Variants in ABTB2 observed in about 807,000 individuals in gnomAD.
ABTB2 encodes ankyrin repeat and BTB/POZ domain-containing protein 2.
A neutral mutation model predicts 104.1 loss-of-function variants in ABTB2; 56 were observed. That is an observed-to-expected ratio of 0.54 (90% CI 0.43 to 0.67). ABTB2 has a LOEUF of 0.67. Among genes scored for constraint, ABTB2 ranks in the 30% least tolerant of loss-of-function variants. ABTB2 has a pLI of 0.00. For missense variants in ABTB2, 1,279 were observed against 1,407.7 expected (o/e 0.91, Z 1.46); for synonymous variants, 606 against 608.2 (o/e 1.00, Z 0.05).
rs886951021 is a variant in ABTB2 at position 34,229,750 on chromosome 11, T to C, written c.884-25060A>G. ...ATAAAAAATACAGTCAAATGCAAGGTAGAAAATAAAAATCACCCATAATCC... is the reference window on the plus strand; with the variant it reads ...ATAAAAAATACAGTCAAATGCAAGGCAGAAAATAAAAATCACCCATAATCC... On this transcript the variant is annotated intron_variant, in intron 1 of 16. Coordinates refer to ENST00000435224, the MANE Select transcript of ABTB2 (RefSeq NM_145804.3). Among the ~76,000 whole-genome samples the C allele has an allele frequency of 2.0e-5, 3 of 152,198 alleles. No homozygotes were observed. In the East Asian group the frequency reaches 5.8e-4, roughly 29 times the overall value.
At chr11:34,257,053 A>T (rs7940376) in intron 1 of ABTB2, among the ~76,000 whole-genome samples, 53,058 of 152,056 alleles carry the variant, frequency 0.35, 10,695 homozygotes, top group African/African-American at 0.56. Context: ...TTTAAGAAAT[A>T]TTAAAGTTCT....
intron 1 of ABTB2, among the ~76,000 whole-genome samples, chr11:34,327,088 GA>G (rs1235168704): frequency 1.3e-5 from 2 of 151,976 alleles, no homozygotes; most frequent in Admixed American, 6.6e-5. Flanking sequence ...AATAAAATAA[GA>G]AAAAAACATA....
chr11:34,249,523 G>C (rs1218696748), intron 1 of ABTB2, among the ~76,000 whole-genome samples: 1 of 150,954 alleles, frequency 6.6e-6, no homozygotes, highest in Non-Finnish European at 1.5e-5. Context: ...ATGTTTACAA[G>C]AGGGCAGGCC....
At chr11:34,214,139 AAC>A (rs10529537) in intron 1 of ABTB2, among the ~76,000 whole-genome samples, 1,759 of 139,242 alleles carry the variant, frequency 0.013, 25 homozygotes, top group South Asian at 0.044. Flanking sequence ...GCACATTCAA[AAC>A]ACACACACAC....
chr11:34,306,236 A>AT (rs34872949), intron 1 of ABTB2, among the ~76,000 whole-genome samples: 17,471 of 71,886 alleles, frequency 0.24, 4,560 homozygotes, highest in East Asian at 0.44. Context: ...GGAAAGTTTG[A>AT]TTTTTTTTTT....
intron 1 of ABTB2, among the ~76,000 whole-genome samples, chr11:34,342,751 T>C (rs1343678779): frequency 6.6e-6 from 1 of 151,680 alleles, no homozygotes; most frequent in Admixed American, 6.6e-5. Context: ...GGTTGAAGAG[T>C]AGAGAATCAG....
intron 1 of ABTB2, among the ~76,000 whole-genome samples, chr11:34,313,564 T>C (rs1051563655): frequency 2.0e-5 from 3 of 152,160 alleles, no homozygotes; most frequent in East Asian, 1.9e-4. Context: ...ACCCAGACCA[T>C]TGGACAAGGA....
intron 1 of ABTB2, among the ~76,000 whole-genome samples, chr11:34,208,188 A>T (rs1853432588): frequency 6.6e-6 from 1 of 152,186 alleles, no homozygotes; most frequent in Non-Finnish European, 1.5e-5. Flanking sequence ...CCCCACACAA[A>T]TTCCCAGCTC....
intron 1 of ABTB2, among the ~76,000 whole-genome samples, chr11:34,295,923 T>C (rs952082377): frequency 6.6e-6 from 1 of 151,896 alleles, no homozygotes; most frequent in Non-Finnish European, 1.5e-5. Flanking sequence ...CCAAACACCA[T>C]CACATTGGGG....
Position 34,301,664 on chromosome 11 carries a change from G to A in ABTB2, c.883+55037C>T, listed in dbSNP as rs191894361. ...CAAAACTTCAGTTTCCTCTTGCTAC[G>A]GGAGGCTTAACATAATAAAACATTT... On this transcript the variant is annotated intron_variant, in intron 1 of 16. Coordinates refer to ENST00000435224, the MANE Select transcript of ABTB2 (RefSeq NM_145804.3). 7.2e-5 allele frequency among the ~76,000 whole-genome samples: 11 copies of A among 152,246 alleles called. No individual in the cohort carries two copies. The East Asian group carries it at 7.7e-4, about 11-fold the overall frequency.
At chr11:34,325,344 T>C (rs1443084257) in intron 1 of ABTB2, among the ~76,000 whole-genome samples, 2 of 152,166 alleles carry the variant, frequency 1.3e-5, no homozygotes, top group African/African-American at 4.8e-5. Flanking sequence ...CAGTATGTGT[T>C]CTTTCCCCAT....
At chr11:34,332,529 G>A (rs11032619) in intron 1 of ABTB2, among the ~76,000 whole-genome samples, 26,016 of 152,124 alleles carry the variant, frequency 0.17, 2,433 homozygotes, top group Admixed American at 0.22. Flanking sequence ...AATCACAGGG[G>A]TAGATATTTT....
At chr11:34,351,581 C>A (rs540322367) in intron 1 of ABTB2, among the ~76,000 whole-genome samples, 2 of 147,578 alleles carry the variant, frequency 1.4e-5, no homozygotes, top group Admixed American at 1.3e-4. Context: ...TGGAAATTTT[C>A]TGCCTTGGTA....
intron 1 of ABTB2, among the ~76,000 whole-genome samples, chr11:34,266,525 T>C (rs569630888): frequency 6.6e-6 from 1 of 152,294 alleles, no homozygotes; most frequent in African/African-American, 2.4e-5. Context: ...AACAGTAGTG[T>C]GTCTTGTTAT....
chr11:34,231,511 C>T (rs1401290791), intron 1 of ABTB2, among the ~76,000 whole-genome samples: 5 of 152,108 alleles, frequency 3.3e-5, no homozygotes, highest in Non-Finnish European at 5.9e-5. Flanking sequence ...CAAACATTAT[C>T]GGGTGGTCAA....
intron 1 of ABTB2, chr11:34,335,063 T>C (rs970078642): frequency 2.4e-6 from 2 of 821,744 alleles, no homozygotes; most frequent in African/African-American, 1.7e-5. Flanking sequence ...TGTTTATAGA[T>C]CAACCCAAAT....
intron 5 of ABTB2, among the ~76,000 whole-genome samples, chr11:34,170,226 G>A (rs775824844): frequency 1.3e-5 from 2 of 152,158 alleles, no homozygotes; most frequent in Non-Finnish European, 2.9e-5. Flanking sequence ...CTATACAATG[G>A]GGAAAATAAT....
At chr11:34,279,921 T>C (rs1472102607) in intron 1 of ABTB2, among the ~76,000 whole-genome samples, 1 of 151,582 alleles carries the variant, frequency 6.6e-6, no homozygotes, top group Non-Finnish European at 1.5e-5. Context: ...CCCAAATAGC[T>C]GGGACTACAG....
intron 1 of ABTB2, among the ~76,000 whole-genome samples, chr11:34,310,772 G>A (rs547822745): frequency 6.6e-6 from 1 of 152,236 alleles, no homozygotes; most frequent in South Asian, 2.1e-4. Context: ...ACTGCATGGA[G>A]GTTATGCTCT....
Sources: allele counts gnomAD v4.1 joint callset (sites outside exome capture counted in the v4.1 genomes callset), GRCh38; gene constraint gnomAD v4.1.1; transcripts MANE v1.5; gene names NCBI Gene and HGNC (gene_info 2026-07-23, HGNC 2026-07-21).